The following SULF1 variants were observed in gnomAD, a reference collection of about 807,000 sequenced individuals.
SULF1 encodes the protein extracellular sulfatase Sulf-1.
SULF1 carries 46 observed loss-of-function variants against 110.5 expected under a neutral mutation model. The ratio of observed to expected loss-of-function variants is 0.42; its 90% CI spans 0.33 to 0.53. The LOEUF is 0.53. SULF1 is among the 20% of genes least tolerant of loss of function. The pLI, the probability that SULF1 is intolerant of heterozygous loss-of-function variation, is 0.12. For missense variants in SULF1, 941 were observed against 1,094.2 expected (o/e 0.86, Z 1.98); for synonymous variants, 371 against 387.1 (o/e 0.96, Z 0.49).
intron 3 of SULF1, among the ~76,000 whole-genome samples, chr8:69,551,801 C>G (rs1814734980): frequency 6.6e-6 from 1 of 152,132 alleles, no homozygotes; most frequent in African/African-American, 2.4e-5. Flanking sequence ...GCTAGAAATG[C>G]AATTTTAAGG....
chr8:69,545,659 T>G (rs1034413994), intron 3 of SULF1, among the ~76,000 whole-genome samples: 7 of 151,966 alleles, frequency 4.6e-5, no homozygotes, highest in African/African-American at 1.5e-4. Context: ...GTTTTTTGGG[T>G]TTTTTTGTTT....
At chr8:69,613,528 A>G (rs928445936) in intron 13 of SULF1, among the ~76,000 whole-genome samples, 2 of 152,184 alleles carry the variant, frequency 1.3e-5, no homozygotes, top group African/African-American at 2.4e-5. Context: ...CTAATATTGC[A>G]CTAAGTATTT....
chr8:69,632,208 C>G lies in SULF1; in HGVS notation c.2284+2529C>G, dbSNP rs201151586. ...CTTGTACACAGGAGCGAATTAGGAA[C>G]TGATCCCATTCAATACCAAATTTGA... On this transcript the variant is annotated intron_variant, in intron 19 of 22. Transcript: ENST00000402687. 1.4e-4 allele frequency among the ~76,000 whole-genome samples: 21 copies of G among 152,324 alleles called. No homozygotes were observed. The East Asian group carries it at 4.0e-3, about 29-fold the overall frequency.
chr8:69,557,122 T>C (rs1563527973), intron 3 of SULF1, among the ~76,000 whole-genome samples: 1 of 152,242 alleles, frequency 6.6e-6, no homozygotes, highest in African/African-American at 2.4e-5. Context: ...TATCGCTGCA[T>C]AGTATTTCAT....
At position 69,658,748 on chromosome 8, in the gene SULF1, T is replaced by G; in HGVS notation, c.*213T>G. 1 of 666,376 alleles carries G rather than the reference T, an allele frequency of 1.5e-6. No individual in the cohort carries two copies. Among genetic ancestry groups the G allele is most frequent in the South Asian group, 1.5e-5 (1 of 66,420 alleles). 41.3% of individuals were successfully genotyped at this position (666,376 alleles called of 1,614,324 possible). Reference sequence around the variant, plus strand: ...ACTCAAACTGCTCAAAGTGACGGGTTCTTGGTTGTCTCTGCTGAGCACGCT... The same window carrying G: ...ACTCAAACTGCTCAAAGTGACGGGTGCTTGGTTGTCTCTGCTGAGCACGCT... On this transcript the variant is annotated 3_prime_UTR_variant, in exon 23 of 23. Transcript: ENST00000402687.
chr8:69,495,348 A>G lies in SULF1; in HGVS notation c.-390-417A>G, dbSNP rs545914357. ...TGGTGCACTATAATCAAGCTTGTGAATAGATACTGCACTCCAGCCTGAGCA... is the reference window on the plus strand; with the variant it reads ...TGGTGCACTATAATCAAGCTTGTGAGTAGATACTGCACTCCAGCCTGAGCA... On this transcript the variant is annotated intron_variant, in intron 1 of 22. Coordinates refer to ENST00000402687, the MANE Select transcript of SULF1 (RefSeq NM_001128205.2). 9.2e-5 allele frequency among the ~76,000 whole-genome samples: 14 copies of G among 152,214 alleles called. No individual in the cohort carries two copies. The South Asian group carries it at 2.9e-3, about 32-fold the overall frequency.
intron 13 of SULF1, among the ~76,000 whole-genome samples, chr8:69,611,674 A>G (rs1290607820): frequency 6.6e-6 from 1 of 152,220 alleles, no homozygotes; most frequent in East Asian, 1.9e-4. Flanking sequence ...AATAATAATC[A>G]GTTTATCACA....
intron 3 of SULF1, among the ~76,000 whole-genome samples, chr8:69,508,661 A>C (rs1311363282): frequency 6.6e-6 from 1 of 152,136 alleles, no homozygotes; most frequent in Non-Finnish European, 1.5e-5. Flanking sequence ...TTCACCATAA[A>C]ATTAATTTTA....
intron 22 of SULF1, among the ~76,000 whole-genome samples, chr8:69,645,036 GC>G (rs35653801): frequency 0.039 from 5,961 of 152,198 alleles, 257 homozygotes; most frequent in African/African-American, 0.11. Context: ...GGTGAGATTG[GC>G]CCCCCTAAGG....
At position 69,576,069 on chromosome 8, in the gene SULF1, G is replaced by A. The variant is rs149786573; in HGVS notation, c.272G>A (p.Arg91Gln). The A allele has an allele frequency of 1.5e-5, 25 of 1,614,142 alleles. No individual in the cohort carries two copies. The highest frequency in any genetic ancestry group is 1.9e-5 in the Non-Finnish European group (23 of 1,180,032). ...FVTTPMCCPS[R>Q]SSMLTGKYVH... ...ACTACACCCATGTGCTGCCCGTCAC[G>A]GTCCTCCATGCTCACCGGGAAGTAT... The change falls in exon 6 of 23, where the codon CGG (arginine) becomes CAG (glutamine). Residue 91 changes from arginine to glutamine, a missense_variant. Coordinates refer to ENST00000402687, the MANE Select transcript of SULF1 (RefSeq NM_001128205.2).
chr8:69,506,269 C>T (rs76792778), intron 3 of SULF1, among the ~76,000 whole-genome samples: 1 of 150,922 alleles, frequency 6.6e-6, no homozygotes, highest in Non-Finnish European at 1.5e-5. Flanking sequence ...CAATCAATAC[C>T]TCCCTTCACG....
intron 1 of SULF1, among the ~76,000 whole-genome samples, chr8:69,475,112 G>A (rs1809245467): frequency 6.6e-6 from 1 of 151,784 alleles, no homozygotes. Context: ...AGGCAAAGAA[G>A]AGAAAAAAAG....
intron 1 of SULF1, among the ~76,000 whole-genome samples, chr8:69,485,610 G>A (rs970522546): frequency 6.6e-6 from 1 of 152,162 alleles, no homozygotes; most frequent in Non-Finnish European, 1.5e-5. Context: ...CTAAGTCTCA[G>A]CACATCCTTA....
In SULF1 at chr8:69,564,136, A is replaced by G. The variant is rs1372274475; in HGVS notation, c.161A>G (p.Asp54Gly). 3 of 1,614,160 alleles carry G rather than the reference A, an allele frequency of 1.9e-6. No individual in the cohort carries two copies. Among genetic ancestry groups the G allele is most frequent in the Admixed American group, 1.7e-5 (1 of 60,020 alleles). Residue 54 changes from aspartate to glycine, a missense_variant, in exon 5 of 23, where the codon GAT becomes GGT. Coordinates refer to ENST00000402687, the MANE Select transcript of SULF1 (RefSeq NM_001128205.2). ...NIILVLTDDQ[D>G]VELGSLQVMN... ...ATTCTTGTGCTTACCGATGATCAAGATGTGGAGCTGGGTGAGACACTGGAC... is the reference window on the plus strand; with the variant it reads ...ATTCTTGTGCTTACCGATGATCAAGGTGTGGAGCTGGGTGAGACACTGGAC...
chr8:69,486,225 C>G (rs1166899475), intron 1 of SULF1, among the ~76,000 whole-genome samples: 3 of 152,068 alleles, frequency 2.0e-5, no homozygotes, highest in Non-Finnish European at 2.9e-5. Context: ...TGAACGATAC[C>G]GAGTCCTTAC....
chr8:69,619,913 C>T (rs1314231470), intron 13 of SULF1, among the ~76,000 whole-genome samples: 3 of 152,194 alleles, frequency 2.0e-5, no homozygotes, highest in Non-Finnish European at 4.4e-5. Flanking sequence ...CTGCAGACAG[C>T]TTGTTAACCA....
At chr8:69,651,917 T>C (rs930770595) in intron 22 of SULF1, among the ~76,000 whole-genome samples, 5 of 152,204 alleles carry the variant, frequency 3.3e-5, no homozygotes, top group African/African-American at 1.2e-4. Context: ...ATTTATTCTC[T>C]TGTGTTTCTA....
chr8:69,530,303 A>G (rs910429480), intron 3 of SULF1, among the ~76,000 whole-genome samples: 1 of 152,174 alleles, frequency 6.6e-6, no homozygotes, highest in Non-Finnish European at 1.5e-5. Context: ...TACCCTACAT[A>G]TTCATTCAGT....
intron 3 of SULF1, among the ~76,000 whole-genome samples, chr8:69,550,511 G>A (rs574687981): frequency 2.6e-4 from 40 of 152,194 alleles, no homozygotes; most frequent in Middle Eastern, 3.4e-3. Context: ...TGGCAGTCAC[G>A]GGGCAGAATG....
Sources: gnomAD v4.1 joint callset for allele counts (sites outside exome capture counted in the v4.1 genomes callset) on GRCh38, gnomAD v4.1.1 for gene constraint, MANE v1.5 for transcripts, NCBI Gene and HGNC (gene_info 2026-07-23, HGNC 2026-07-21) for gene names.